The following ZNF100 variants were observed in gnomAD, a reference collection of about 807,000 sequenced individuals.
The protein encoded by ZNF100 is zinc finger protein 100 (Y1).
Under a neutral mutation model 15.8 loss-of-function variants are expected in ZNF100, and 12 were observed. The ratio of observed to expected loss-of-function variants is 0.76; its 90% CI spans 0.49 to 1.23. The LOEUF (loss-of-function observed/expected upper bound fraction) is 1.23. ZNF100 is among the 50% of genes most tolerant of loss of function. ZNF100 has a pLI of 0.00. For synonymous variants in ZNF100, 226 were observed against 214.8 expected, an observed-to-expected ratio of 1.05 and a Z score of -0.45; for missense variants, 670 against 635.6, an observed-to-expected ratio of 1.05 and a Z score of -0.58.
intron 2 of ZNF100, among the ~76,000 whole-genome samples, chr19:21,764,702 A>T (rs1486942539): frequency 6.6e-6 from 1 of 152,144 alleles, no homozygotes; most frequent in African/African-American, 2.4e-5. Context: ...TTACTTTATT[A>T]ATTCCATTTA....
intron 2 of ZNF100, among the ~76,000 whole-genome samples, chr19:21,762,995 TGA>T (rs1249597766): frequency 6.6e-6 from 1 of 152,182 alleles, no homozygotes; most frequent in Non-Finnish European, 1.5e-5. Context: ...ATCAGTGCTA[TGA>T]GAGTTTACAT....
chr19:21,727,352 T>G lies in ZNF100; in HGVS notation c.960A>C (p.Thr320=), dbSNP rs755537013. 1 of 1,612,792 alleles carries G rather than the reference T, an allele frequency of 6.2e-7. No individual in the cohort carries two copies. Among genetic ancestry groups the G allele is most frequent in the Admixed American group, 1.7e-5 (1 of 60,002 alleles). Residue 320 remains threonine (T), a synonymous_variant, in exon 5 of 5, where the codon ACA becomes ACC. Transcript: ENST00000358296. Reference sequence around the variant, plus strand: ...ACCGGTTAAAAGCTTTGCCACATTCTGTACATTTGTAGGGTTTCACTCCAG... The same window carrying G: ...ACCGGTTAAAAGCTTTGCCACATTCGGTACATTTGTAGGGTTTCACTCCAG... ...IHTGVKPYKC[T]ECGKAFNRSS... is the part of the protein sequence containing the mutation.
At position 21,760,461 on chromosome 19, in the gene ZNF100, C is replaced by G. The variant is rs1280887138; in HGVS notation, c.96+5233G>C. 2.0e-5 allele frequency among the ~76,000 whole-genome samples: 3 copies of G among 151,814 alleles called. No individual in the cohort carries two copies. The East Asian group carries it at 5.8e-4, about 29-fold the overall frequency. ...AGTGAGCCAAGATTGCACCACTACA[C>G]TCCAGCCTAGGGGACAAAGCAAGAC... On this transcript the variant is annotated intron_variant, in intron 2 of 4. Transcript: ENST00000358296.
chr19:21,731,195 C>A (rs537319263), intron 4 of ZNF100, among the ~76,000 whole-genome samples: 1 of 151,994 alleles, frequency 6.6e-6, no homozygotes, highest in South Asian at 2.1e-4. Flanking sequence ...AATGCCACAT[C>A]TATAGAAACT....
chr19:21,761,810 C>T (rs538038113), intron 2 of ZNF100, among the ~76,000 whole-genome samples: 7 of 152,290 alleles, frequency 4.6e-5, no homozygotes, highest in African/African-American at 1.7e-4. Flanking sequence ...TAATATCCAC[C>T]ACCCACTCCC....
rs746229834 is a variant in ZNF100, at chr19:21,765,765, A to T, written c.25T>A (p.Cys9Ser). Residue 9 changes from cysteine (C) to serine (S), a missense_variant, in exon 2 of 5, where the codon TGT becomes AGT. Cys to Ser is a moderately radical substitution (Grantham distance 112, BLOSUM62 -1). Transcript: ENST00000358296. The part of the protein sequence containing the change: MDDPRYGM[C>S]PLKGASGCPG... ...CATCCACTTGCTCCCTTGAGAGGAC[A>T]CATTCCATACCTCGGGTCATCCTAC... 6 of 1,614,098 alleles carry T rather than the reference A, an allele frequency of 3.7e-6. No homozygotes were observed. In the African/African-American group the frequency reaches 4.0e-5, roughly 11 times the overall value.
rs1441556695 is a variant in ZNF100, at chr19:21,723,120, G to A, written c.*3563C>T. The A allele has an allele frequency of 6.6e-6, 1 of 151,800 alleles. No individual in the cohort carries two copies. Among genetic ancestry groups the A allele is most frequent in the African/African-American group, 2.4e-5 (1 of 41,314 alleles). 9.4% of individuals were successfully genotyped at this position (151,800 alleles called of 1,614,324 possible). On this transcript the variant is annotated 3_prime_UTR_variant, in exon 5 of 5. Transcript: ENST00000358296. ...TAATCCAAGCACTTTGGGAGGCTGA[G>A]GCAGGTGGATCATATGAGGTCAGGA...
intron 2 of ZNF100, chr19:21,751,846 A>T: frequency 1.2e-6 from 1 of 810,492 alleles, no homozygotes; most frequent in East Asian, 2.4e-5. Flanking sequence ...ACTTGTGTGG[A>T]GCAGCTGTAA....
intron 4 of ZNF100, among the ~76,000 whole-genome samples, chr19:21,737,616 T>C (rs1362308118): frequency 6.7e-6 from 1 of 150,158 alleles, no homozygotes; most frequent in Admixed American, 6.6e-5. Flanking sequence ...GCACATAAAC[T>C]GGAAAATCTA....
chr19:21,763,811 C>T (rs1475235212), intron 2 of ZNF100, among the ~76,000 whole-genome samples: 1 of 152,090 alleles, frequency 6.6e-6, no homozygotes, highest in Admixed American at 6.5e-5. Context: ...ATCTTTTTTG[C>T]TCCACTGTAT....
chr19:21,726,509 C>A lies in ZNF100; in HGVS notation c.*174G>T. The A allele has an allele frequency of 1.6e-6, 1 of 609,792 alleles. No individual in the cohort carries two copies. The highest frequency in any genetic ancestry group is 2.7e-6 in the Non-Finnish European group (1 of 368,988). 37.8% of individuals were successfully genotyped at this position (609,792 alleles called of 1,614,324 possible). ...TTGAGGTGTTTTCAAAGCACTGTCA[C>A]ATCTTTCTGGTTTGTAGAATTTCTC... is the stretch of plus-strand genomic sequence containing the variant. On this transcript the variant is annotated 3_prime_UTR_variant, in exon 5 of 5. Transcript: ENST00000358296.
chr19:21,744,167 C>A, intron 3 of ZNF100, 52 bp from the exon 4 acceptor site: 2 of 1,493,784 alleles, frequency 1.3e-6, no homozygotes, highest in South Asian at 2.7e-5. Flanking sequence ...CAATTACCAA[C>A]CTAGTACTAT....
chr19:21,728,084 C>A, intron 4 of ZNF100, 95 bp from the exon 5 acceptor site: 2 of 1,164,632 alleles, frequency 1.7e-6, no homozygotes, highest in Non-Finnish European at 2.2e-6. Flanking sequence ...AATAAGATGG[C>A]ATAGGAAAAT....
chr19:21,741,736 C>A (rs143921499), intron 4 of ZNF100, among the ~76,000 whole-genome samples: 1,729 of 151,912 alleles, frequency 0.011, 36 homozygotes, highest in African/African-American at 0.04. Flanking sequence ...AGTGCAGTGG[C>A]ACAATTATGG....
rs1480366349 is a variant in ZNF100, at chr19:21,738,275, A to C, written c.322+5742T>G. Among the ~76,000 whole-genome samples, 3 of 143,618 alleles carry C rather than the reference A, an allele frequency of 2.1e-5. 1 individual carries two copies. The highest frequency in any genetic ancestry group is 3.9e-4 in the East Asian group (2 of 5,088). 94.2% of individuals were successfully genotyped at this position (143,618 alleles called of 152,430 possible). On this transcript the variant is annotated intron_variant, in intron 4 of 4. Coordinates refer to ENST00000358296, the MANE Select transcript of ZNF100 (RefSeq NM_173531.4). ...AAAAAAAAAAAAAAAAAAAAAAAAA[A>C]AAAAAAAAAAAAAAACTGATGGAGA...
In ZNF100 at chr19:21,765,700, A is replaced by G. The variant is rs762468619; in HGVS notation, c.90T>C (p.Phe30=). The change falls in exon 2 of 5, where the codon TTT becomes TTC. Residue 30 remains phenylalanine (F), a synonymous_variant. Transcript: ENST00000358296. ...AERSLLVQSY[F]EKGPLTFRDV... ...TAATGTCTCAAGGGGTTACCTTTTCAAAATAAGACTGCACCAGAAGACTCC... is the reference window on the plus strand; with the variant it reads ...TAATGTCTCAAGGGGTTACCTTTTCGAAATAAGACTGCACCAGAAGACTCC... The G allele has an allele frequency of 6.2e-7, 1 of 1,614,114 alleles. No individual in the cohort carries two copies. The highest frequency in any genetic ancestry group is 8.5e-7 in the Non-Finnish European group (1 of 1,180,000).
intron 2 of ZNF100, among the ~76,000 whole-genome samples, chr19:21,763,754 T>C (rs1003382897): frequency 2.6e-5 from 4 of 152,134 alleles, no homozygotes; most frequent in African/African-American, 9.7e-5. Flanking sequence ...ATCTAAAATC[T>C]AACCTTTTCA....
intron 4 of ZNF100, among the ~76,000 whole-genome samples, chr19:21,735,506 A>C (rs1003594042): frequency 2.0e-5 from 3 of 151,386 alleles, no homozygotes; most frequent in African/African-American, 7.3e-5. Context: ...GTCTCAAAAA[A>C]AAAAAAAAAA....
At chr19:21,745,366 T>C (rs1443333994) in intron 2 of ZNF100, among the ~76,000 whole-genome samples, 4 of 152,190 alleles carry the variant, frequency 2.6e-5, no homozygotes, top group Non-Finnish European at 5.9e-5. Context: ...ATTTATATCA[T>C]AAAGAATGAG....
Sources: gnomAD v4.1 joint callset for allele counts (sites outside exome capture counted in the v4.1 genomes callset) on GRCh38, gnomAD v4.1.1 for gene constraint, MANE v1.5 for transcripts, NCBI Gene and HGNC (gene_info 2026-07-23, HGNC 2026-07-21) for gene names.